OGDH: variants seen among roughly 807,000 people sequenced by gnomAD.
The protein encoded by OGDH is 2-oxoglutarate dehydrogenase complex component E1.
OGDH carries 38 observed loss-of-function variants against 116.6 expected under a neutral mutation model. The observed-to-expected ratio is 0.33, with a 90% CI of 0.25 to 0.43. The LOEUF (loss-of-function observed/expected upper bound fraction) is 0.43, where lower values mean the gene tolerates loss of function less well. Ranked by LOEUF, OGDH falls within the 20% of genes least tolerant of loss-of-function variation. OGDH has a pLI of 1.00. For synonymous variants in OGDH, 488 were observed against 533.3 expected (o/e 0.92, Z 1.17); for missense variants, 825 against 1,357.2 (o/e 0.61, Z 6.16).
At chr7:44,676,803 T>A (rs1787722820) in intron 9 of OGDH, among the ~76,000 whole-genome samples, 1 of 152,056 alleles carries the variant, frequency 6.6e-6, no homozygotes. Context: ...ACAGAGATGT[T>A]TTCACTGAAA....
chr7:44,674,710 C>A, intron 7 of OGDH, 153 bp downstream of exon 7: 1 of 798,174 alleles, frequency 1.3e-6, no homozygotes, highest in Non-Finnish European at 2.0e-6. Context: ...TATTGCTTTG[C>A]AGGGGATTCT....
At chr7:44,649,172 C>G (rs1276638876) in intron 4 of OGDH, among the ~76,000 whole-genome samples, 1 of 152,000 alleles carries the variant, frequency 6.6e-6, no homozygotes, top group Non-Finnish European at 1.5e-5. Context: ...CATCTGGAAG[C>G]CACCTCTTCA....
intron 1 of OGDH, among the ~76,000 whole-genome samples, chr7:44,622,641 T>C (rs1039438676): frequency 1.3e-5 from 2 of 152,232 alleles, no homozygotes; most frequent in Non-Finnish European, 2.9e-5. Context: ...AAGATATTTT[T>C]ATGTAACAGT....
At chr7:44,702,813 G>A (rs925737077) in intron 20 of OGDH, among the ~76,000 whole-genome samples, 1 of 152,124 alleles carries the variant, frequency 6.6e-6, no homozygotes, top group Non-Finnish European at 1.5e-5. Flanking sequence ...AGCCAGGATG[G>A]TGTCAATCTC....
At chr7:44,674,904 T>C (rs1787622112) in intron 7 of OGDH, among the ~76,000 whole-genome samples, 1 of 151,946 alleles carries the variant, frequency 6.6e-6, no homozygotes. Flanking sequence ...ACTGTGAAAA[T>C]AGGGAAGGTG....
At chr7:44,653,600 C>T (rs895682330) in intron 4 of OGDH, among the ~76,000 whole-genome samples, 7 of 152,188 alleles carry the variant, frequency 4.6e-5, no homozygotes, top group East Asian at 1.9e-4. Flanking sequence ...GATCTCGACT[C>T]ACTGCAACCT....
chr7:44,679,501 C>T (rs145145931), intron 9 of OGDH, among the ~76,000 whole-genome samples: 2,643 of 152,180 alleles, frequency 0.017, 23 homozygotes, highest in Non-Finnish European at 0.029. Context: ...GGGTCTTAAC[C>T]AAGGATGACT....
rs1176562945 is a variant in OGDH at position 44,645,399 on chromosome 7, C to G, written c.295C>G (p.Leu99Val). The change falls in exon 3 of 23, where the codon CTG becomes GTG. Residue 99 changes from leucine (L) to valine (V), a missense_variant. Leu to Val is a conservative substitution (Grantham distance 32). Coordinates refer to ENST00000222673, the MANE Select transcript of OGDH (RefSeq NM_002541.4). ...PGTAYQSPLP[L>V]SRGSLAAVAH... The stretch of plus-strand genomic sequence containing the variant: ...CACTGCCTACCAGAGTCCCCTTCCC[C>G]TGAGCCGAGGCTCCCTGGCTGCTGT... The G allele has an allele frequency of 2.5e-6, 4 of 1,614,124 alleles. No homozygotes were observed. Among genetic ancestry groups the G allele is most frequent in the Non-Finnish European group, 8.5e-7 (1 of 1,180,056 alleles).
chr7:44,701,023 C>CA (rs1338911265), intron 19 of OGDH, among the ~76,000 whole-genome samples: 10 of 151,772 alleles, frequency 6.6e-5, no homozygotes, highest in African/African-American at 1.5e-4. Flanking sequence ...GACTCCGTCT[C>CA]AAAAAACAAA....
At position 44,643,934 on chromosome 7, in the gene OGDH, C is replaced by T. The variant is rs539159947; in HGVS notation, c.223-1393C>T. 9.2e-5 allele frequency among the ~76,000 whole-genome samples: 14 copies of T among 152,180 alleles called. No homozygotes were observed. The South Asian group carries it at 2.3e-3, about 25-fold the overall frequency. ...TTTTAAACTGATGTTTTGCCAGGCG[C>T]GATGGCTTACGCCTGTAATCCCAAC... is the stretch of plus-strand genomic sequence containing the variant. On this transcript the variant is annotated intron_variant, in intron 2 of 22. Coordinates refer to ENST00000222673, the MANE Select transcript of OGDH (RefSeq NM_002541.4).
rs1037295168 is a variant in OGDH, at chr7:44,629,575, C to CT, written c.222+5014dup. ...TTTCTTTTCTTTCCTTTTTCTTTTTCTTTTCTTTTTTTTTTTTTTTTTTGA... is the reference window on the plus strand; with the variant it reads ...TTTCTTTTCTTTCCTTTTTCTTTTTCTTTTTCTTTTTTTTTTTTTTTTTTGA... On this transcript the variant is annotated intron_variant, in intron 2 of 22. Coordinates refer to ENST00000222673, the MANE Select transcript of OGDH (RefSeq NM_002541.4). 4.3e-3 allele frequency among the ~76,000 whole-genome samples: 584 copies of CT among 134,370 alleles called. 26 individuals carry two copies. The highest frequency in any genetic ancestry group is 0.012 in the South Asian group (52 of 4,166). The allele number at this position is 134,370 out of a possible 152,430, so 88.2% of individuals were successfully genotyped here.
intron 1 of OGDH, among the ~76,000 whole-genome samples, chr7:44,611,344 C>T (rs898166308): frequency 1.4e-4 from 22 of 152,190 alleles, no homozygotes; most frequent in Non-Finnish European, 3.1e-4. Context: ...TCTCAGCTCA[C>T]TGCAACCTCC....
At chr7:44,660,826 G>A (rs1483268527) in intron 4 of OGDH, among the ~76,000 whole-genome samples, 1 of 152,116 alleles carries the variant, frequency 6.6e-6, no homozygotes, top group African/African-American at 2.4e-5. Flanking sequence ...CACTCAGGAG[G>A]CTAAGGTGGT....
chr7:44,661,587 G>A (rs1786945907), intron 4 of OGDH, among the ~76,000 whole-genome samples: 1 of 151,514 alleles, frequency 6.6e-6, no homozygotes, highest in African/African-American at 2.4e-5. Flanking sequence ...TTTTAATTAT[G>A]TATAGTTTAT....
At chr7:44,678,425 A>G (rs1384432215) in intron 9 of OGDH, among the ~76,000 whole-genome samples, 2 of 152,214 alleles carry the variant, frequency 1.3e-5, no homozygotes, top group Non-Finnish European at 2.9e-5. Context: ...GAAATTTCCC[A>G]AAAAGGAATG....
At chr7:44,620,163 G>A (rs1784954756) in intron 1 of OGDH, among the ~76,000 whole-genome samples, 1 of 152,172 alleles carries the variant, frequency 6.6e-6, no homozygotes, top group African/African-American at 2.4e-5. Flanking sequence ...TGGGACTACA[G>A]GCATGCATGA....
chr7:44,648,951 C>T (rs558968885), intron 4 of OGDH, among the ~76,000 whole-genome samples: 25 of 152,210 alleles, frequency 1.6e-4, no homozygotes, highest in Non-Finnish European at 2.9e-4. Context: ...GCAGTGTCCC[C>T]GGAGGTCTTG....
At position 44,696,501 on chromosome 7, in the gene OGDH, C is replaced by A. The variant is rs773035937; in HGVS notation, c.1844C>A (p.Thr615Lys). 6.2e-7 allele frequency: 1 copy of A among 1,614,224 alleles called. No individual in the cohort carries two copies. Among genetic ancestry groups the A allele is most frequent in the Non-Finnish European group, 8.5e-7 (1 of 1,180,048 alleles). The change falls in exon 14 of 23, where the codon ACA becomes AAA. Residue 615 changes from threonine (T) to lysine (K), a missense_variant. Thr to Lys is a moderately conservative substitution (Grantham distance 78). Transcript: ENST00000222673. ...ACGGGTCTGACGGAGGATATTCTGA[C>A]ACACATCGGGAATGTGGCTAGTTCT... ...PSTGLTEDIL[T>K]HIGNVASSVP...
Position 44,675,211 on chromosome 7 carries a change from G to A in OGDH, c.969G>A (p.Arg323=). The stretch of plus-strand genomic sequence containing the variant: ...TGAACGTGCTTGCAAATGTCATCAG[G>A]AAGGAGCTGGAACAGATCTTCTGTC... ...GRLNVLANVI[R]KELEQIFCQF... The change falls in exon 8 of 23, where the codon AGG becomes AGA. Residue 323 remains arginine, a synonymous_variant. Coordinates refer to ENST00000222673, the MANE Select transcript of OGDH (RefSeq NM_002541.4). The A allele has an allele frequency of 6.2e-7, 1 of 1,614,172 alleles. No individual in the cohort carries two copies. The highest frequency in any genetic ancestry group is 8.5e-7 in the Non-Finnish European group (1 of 1,180,022).
Sources: allele counts gnomAD v4.1 joint callset (sites outside exome capture counted in the v4.1 genomes callset), GRCh38; gene constraint gnomAD v4.1.1; transcripts MANE v1.5; gene names NCBI Gene and HGNC (gene_info 2026-07-23, HGNC 2026-07-21).